The following PLXDC2 variants were observed in gnomAD, a reference collection of about 807,000 sequenced individuals.
PLXDC2 encodes the protein plexin domain-containing protein 2.
PLXDC2 carries 40 observed loss-of-function variants against 68.9 expected under a neutral mutation model. That is an observed-to-expected ratio of 0.58 (90% CI 0.45 to 0.76). PLXDC2 has a LOEUF of 0.76. PLXDC2 is among the 30% of genes least tolerant of loss of function. The probability of loss-of-function intolerance (pLI) is 0.00; values close to 1 mark genes in which losing one functional copy is unlikely to be tolerated. For synonymous variants in PLXDC2, 243 were observed against 234.2 expected (o/e 1.04, Z -0.34); for missense variants, 644 against 661.9 (o/e 0.97, Z 0.30).
chr10:20,097,578 T>C (rs1833367874), intron 4 of PLXDC2, among the ~76,000 whole-genome samples: 1 of 152,188 alleles, frequency 6.6e-6, no homozygotes, highest in African/African-American at 2.4e-5. Context: ...AACTTTTTTT[T>C]TCTAATTTTA....
At chr10:20,194,041 G>A (rs1047380850) in intron 9 of PLXDC2, among the ~76,000 whole-genome samples, 17 of 151,810 alleles carry the variant, frequency 1.1e-4, no homozygotes, top group African/African-American at 4.1e-4. Context: ...ACTGACCCAG[G>A]CAAGCTCACA....
Position 19,834,751 on chromosome 10 carries a change from A to T in PLXDC2, c.112+17560A>T, listed in dbSNP as rs534299852. 2.6e-5 allele frequency among the ~76,000 whole-genome samples: 4 copies of T among 152,266 alleles called. No homozygotes were observed. In the South Asian group the frequency reaches 8.3e-4, roughly 31 times the overall value. ...CTCTGAGAAGAATTATTTATTCACTATACAAACATTTGCTAGATGTATCCT... is the reference window on the plus strand; with the variant it reads ...CTCTGAGAAGAATTATTTATTCACTTTACAAACATTTGCTAGATGTATCCT... On this transcript the variant is annotated intron_variant, in intron 1 of 13. Transcript: ENST00000377252.
intron 1 of PLXDC2, among the ~76,000 whole-genome samples, chr10:19,820,166 A>G (rs1012096771): frequency 2.0e-5 from 3 of 152,204 alleles, no homozygotes; most frequent in African/African-American, 7.2e-5. Context: ...ATGTCTGCCT[A>G]GAGGTTTGGA....
At chr10:20,263,358 C>G (rs536414028) in intron 13 of PLXDC2, among the ~76,000 whole-genome samples, 4 of 152,268 alleles carry the variant, frequency 2.6e-5, no homozygotes, top group African/African-American at 9.6e-5. Context: ...AAAATCTACT[C>G]AAGATGGAGT....
intron 1 of PLXDC2, among the ~76,000 whole-genome samples, chr10:19,828,883 T>TTCC (rs1186165647): frequency 6.6e-6 from 1 of 152,150 alleles, no homozygotes; most frequent in African/African-American, 2.4e-5. Context: ...CTGCAAAGGC[T>TTCC]TCCCACCTTA....
intron 1 of PLXDC2, among the ~76,000 whole-genome samples, chr10:19,933,472 A>T (rs1833673547): frequency 6.6e-6 from 1 of 151,960 alleles, no homozygotes; most frequent in African/African-American, 2.4e-5. Context: ...CATCTCTCGT[A>T]AAAATACAAA....
At chr10:19,956,070 A>G (rs921927727) in intron 1 of PLXDC2, among the ~76,000 whole-genome samples, 2 of 151,910 alleles carry the variant, frequency 1.3e-5, no homozygotes, top group African/African-American at 2.4e-5. Context: ...CAAGAGTGAA[A>G]CTCCATTAAA....
Position 20,018,822 on chromosome 10 carries a change from A to G in PLXDC2, c.324+16836A>G, listed in dbSNP as rs775677233. 3.8e-4 allele frequency among the ~76,000 whole-genome samples: 58 copies of G among 152,328 alleles called. 1 individual carries two copies. The highest frequency in any genetic ancestry group is 6.8e-4 in the Non-Finnish European group (46 of 68,030). On this transcript the variant is annotated intron_variant, in intron 2 of 13. Transcript: ENST00000377252. ...TTTTTAATAAGACAGGAGCTGTTCTATGGTGATTACTAGTTTCCTAAAAAT... is the reference window on the plus strand; with the variant it reads ...TTTTTAATAAGACAGGAGCTGTTCTGTGGTGATTACTAGTTTCCTAAAAAT...
At chr10:19,873,406 CTTTT>C (rs1049862345) in intron 1 of PLXDC2, among the ~76,000 whole-genome samples, 45 of 115,658 alleles carry the variant, frequency 3.9e-4, no homozygotes, top group Non-Finnish European at 7.2e-4. Flanking sequence ...TCTTCTTCGT[CTTTT>C]TTTTTTTTTT....
chr10:19,832,369 G>A (rs1037010192), intron 1 of PLXDC2, among the ~76,000 whole-genome samples: 6 of 152,044 alleles, frequency 3.9e-5, no homozygotes, highest in Admixed American at 6.6e-5. Flanking sequence ...AAAGAAACAC[G>A]GAGGAATGCA....
At chr10:20,014,526 T>C (rs1391706059) in intron 2 of PLXDC2, among the ~76,000 whole-genome samples, 1 of 151,930 alleles carries the variant, frequency 6.6e-6, no homozygotes. Flanking sequence ...TAAATCTGTT[T>C]ATTTCAGGAC....
At chr10:19,921,929 C>T (rs1833467669) in intron 1 of PLXDC2, among the ~76,000 whole-genome samples, 1 of 152,126 alleles carries the variant, frequency 6.6e-6, no homozygotes, top group Non-Finnish European at 1.5e-5. Context: ...ATGATCTTGG[C>T]TCATTGTAAC....
At chr10:20,098,661 G>T (rs1368621786) in intron 4 of PLXDC2, among the ~76,000 whole-genome samples, 1 of 152,126 alleles carries the variant, frequency 6.6e-6, no homozygotes, top group Non-Finnish European at 1.5e-5. Flanking sequence ...ATAGCATCCT[G>T]ATATTGTTCA....
chr10:20,159,542 G>T (rs993580903), intron 6 of PLXDC2, among the ~76,000 whole-genome samples: 1 of 152,186 alleles, frequency 6.6e-6, no homozygotes, highest in East Asian at 1.9e-4. Flanking sequence ...CTACAGTCTT[G>T]ATTTCCCAGC....
At chr10:20,207,228 T>C (rs1490208195) in intron 9 of PLXDC2, among the ~76,000 whole-genome samples, 1 of 152,328 alleles carries the variant, frequency 6.6e-6, no homozygotes, top group East Asian at 1.9e-4. Flanking sequence ...AAATAAATGA[T>C]GAATTACTTA....
intron 1 of PLXDC2, among the ~76,000 whole-genome samples, chr10:19,930,006 G>C (rs1000028202): frequency 1.2e-4 from 19 of 152,032 alleles, no homozygotes; most frequent in African/African-American, 4.6e-4. Context: ...ACATCTTTTA[G>C]TGCTCTCAGA....
intron 3 of PLXDC2, among the ~76,000 whole-genome samples, chr10:20,058,264 T>A (rs925745951): frequency 1.4e-4 from 22 of 152,156 alleles, no homozygotes; most frequent in African/African-American, 5.3e-4. Context: ...GGATTCATCA[T>A]TTCTGTGTGT....
At chr10:20,093,049 T>G (rs544180684) in intron 4 of PLXDC2, among the ~76,000 whole-genome samples, 92 of 152,302 alleles carry the variant, frequency 6.0e-4, no homozygotes, top group African/African-American at 2.2e-3. Flanking sequence ...CCACCATGTT[T>G]GTAGAAATTT....
intron 1 of PLXDC2, among the ~76,000 whole-genome samples, chr10:19,956,447 A>G (rs1332215448): frequency 5.3e-5 from 8 of 152,302 alleles, no homozygotes. Context: ...AAAATGTACA[A>G]TTACATGTGT....
Sources: allele counts gnomAD v4.1 joint callset (sites outside exome capture counted in the v4.1 genomes callset), GRCh38; gene constraint gnomAD v4.1.1; transcripts MANE v1.5; gene names NCBI Gene and HGNC (gene_info 2026-07-23, HGNC 2026-07-21).